TDRD3: variants seen among roughly 807,000 people sequenced by gnomAD.
The protein encoded by TDRD3 is tudor domain-containing protein 3.
A neutral mutation model predicts 86.7 loss-of-function variants in TDRD3; 45 were observed. The ratio of observed to expected loss-of-function variants is 0.52; its 90% confidence interval spans 0.41 to 0.67. The LOEUF (loss-of-function observed/expected upper bound fraction) is 0.67. TDRD3 is among the 30% of genes least tolerant of loss of function. TDRD3 has a pLI of 0.00. For synonymous variants in TDRD3, 298 were observed against 301.7 expected, an observed-to-expected ratio of 0.99 and a Z score of 0.13; for missense variants, 814 against 889.0, an observed-to-expected ratio of 0.92 and a Z score of 1.07.
At chr13:60,520,074 A>T (rs1185868618) in intron 10 of TDRD3, among the ~76,000 whole-genome samples, 1 of 152,198 alleles carries the variant, frequency 6.6e-6, no homozygotes, top group East Asian at 1.9e-4. Context: ...AGGGGCTTTG[A>T]AACACCAAAA....
At chr13:60,400,470 C>A (rs1954063290) in intron 1 of TDRD3, among the ~76,000 whole-genome samples, 1 of 152,060 alleles carries the variant, frequency 6.6e-6, no homozygotes, top group South Asian at 2.1e-4. Context: ...TGGCTGGGCG[C>A]AGTGGTGGCT....
intron 1 of TDRD3, among the ~76,000 whole-genome samples, chr13:60,426,652 T>A (rs1954819282): frequency 6.6e-6 from 1 of 152,042 alleles, no homozygotes; most frequent in Non-Finnish European, 1.5e-5. Context: ...CCCATTAGAG[T>A]TAGAAAGCTT....
intron 3 of TDRD3, among the ~76,000 whole-genome samples, chr13:60,449,458 T>A (rs1955484626): frequency 6.6e-6 from 1 of 152,044 alleles, no homozygotes; most frequent in Non-Finnish European, 1.5e-5. Flanking sequence ...GAACAAAAAG[T>A]TAGAGAAGTG....
intron 4 of TDRD3, among the ~76,000 whole-genome samples, chr13:60,466,498 A>G (rs1328157973): frequency 6.6e-6 from 1 of 152,082 alleles, no homozygotes. Flanking sequence ...ATAGAAAATG[A>G]CAATCTTGGC....
In TDRD3 at chr13:60,508,883, A is replaced by AG. The variant is rs557088943; in HGVS notation, c.859-880_859-879insG. ...CAACAAAAAATTACAAAGCCTACAA[A>AG]AGGCAGGAAAATTTAGCCCATTCAC... On this transcript the variant is annotated intron_variant, in intron 8 of 13. Transcript: ENST00000377881. Among the ~76,000 whole-genome samples the AG allele has an allele frequency of 5.0e-3, 757 of 152,252 alleles. 3 individuals carry two copies. Among genetic ancestry groups the AG allele is most frequent in the Middle Eastern group, 0.024 (7 of 292 alleles).
intron 1 of TDRD3, among the ~76,000 whole-genome samples, chr13:60,419,835 A>C (rs1318905350): frequency 6.6e-6 from 1 of 152,164 alleles, no homozygotes; most frequent in East Asian, 1.9e-4. Flanking sequence ...AGCAGAAAGG[A>C]AGAAAAGGAA....
chr13:60,439,548 G>A, intron 1 of TDRD3, 140 bp from the exon 2 acceptor site: 1 of 622,942 alleles, frequency 1.6e-6, no homozygotes, highest in African/African-American at 1.9e-5. Context: ...TAAATAAACA[G>A]GGAATCCATA....
intron 8 of TDRD3, among the ~76,000 whole-genome samples, chr13:60,499,205 C>T (rs1046116701): frequency 1.3e-5 from 2 of 152,148 alleles, no homozygotes; most frequent in Non-Finnish European, 2.9e-5. Context: ...GTGATGATTC[C>T]CACCACATCC....
In TDRD3 at chr13:60,397,393, C is replaced by T; in HGVS notation, c.29C>T (p.Ser10Phe). ...GCCCAGGTGGCCGGCGCGGCGTTGT[C>T]CCAGGCGGGTTGGTAAGTGGCGAGT... Reference protein sequence around the residue: MAQVAGAALSQAGWYLSDEG... With the variant: MAQVAGAALFQAGWYLSDEG... Residue 10 changes from serine (S) to phenylalanine (F), a missense_variant, in exon 1 of 14, where the codon TCC (serine) becomes TTC (phenylalanine). Coordinates refer to ENST00000377881, the MANE Select transcript of TDRD3 (RefSeq NM_001146070.2). 6.7e-7 allele frequency: 1 copy of T among 1,501,024 alleles called. No homozygotes were observed. Among genetic ancestry groups the T allele is most frequent in the Non-Finnish European group, 8.9e-7 (1 of 1,126,540 alleles). 93.0% of individuals were successfully genotyped at this position (1,501,024 alleles called of 1,614,324 possible). A position where few individuals can be genotyped will look rare whatever the true frequency, so the allele number is the denominator to read the frequency against.
chr13:60,509,366 T>C (rs964475035), intron 8 of TDRD3, among the ~76,000 whole-genome samples: 2 of 152,180 alleles, frequency 1.3e-5, no homozygotes, highest in Non-Finnish European at 2.9e-5. Context: ...TTTACATTTT[T>C]GGAGAGGTGC....
At chr13:60,471,717 G>C (rs555871540) in intron 5 of TDRD3, among the ~76,000 whole-genome samples, 2 of 151,920 alleles carry the variant, frequency 1.3e-5, no homozygotes, top group African/African-American at 4.8e-5. Context: ...TTGATTTTGC[G>C]TACTCCAACT....
intron 8 of TDRD3, chr13:60,509,538 G>A (rs896541882): frequency 2.0e-6 from 1 of 495,908 alleles, no homozygotes; most frequent in East Asian, 3.3e-5. Flanking sequence ...TGTTGCTTTT[G>A]CAGTGTTACT....
intron 8 of TDRD3, among the ~76,000 whole-genome samples, chr13:60,509,256 A>C (rs376960148): frequency 8.5e-5 from 13 of 152,100 alleles, no homozygotes; most frequent in African/African-American, 3.1e-4. Flanking sequence ...TAGCTGTCAA[A>C]GCATCATAGA....
chr13:60,542,608 A>G (rs1957841945), intron 12 of TDRD3, among the ~76,000 whole-genome samples: 1 of 152,192 alleles, frequency 6.6e-6, no homozygotes, highest in Non-Finnish European at 1.5e-5. Flanking sequence ...GTGATGGTGA[A>G]CCTTGATGGT....
At chr13:60,568,756 CAA>C (rs1441987056) in intron 13 of TDRD3, among the ~76,000 whole-genome samples, 1 of 151,974 alleles carries the variant, frequency 6.6e-6, no homozygotes, top group Non-Finnish European at 1.5e-5. Flanking sequence ...AGCAATTAAA[CAA>C]GAGAAAGAAA....
At position 60,545,904 on chromosome 13, in the gene TDRD3, C is replaced by A. The variant is rs541436051; in HGVS notation, c.2118+10671C>A. On this transcript the variant is annotated intron_variant, in intron 12 of 13. Transcript: ENST00000377881. The stretch of plus-strand genomic sequence containing the variant: ...CTTCCTCTGTTTCTCTCTTTTTTCT[C>A]TTTATCTAAGCTCCTCCTCCTCATT... 2.6e-5 allele frequency among the ~76,000 whole-genome samples: 4 copies of A among 151,924 alleles called. No individual in the cohort carries two copies. The South Asian group carries it at 8.3e-4, about 32-fold the overall frequency.
chr13:60,566,069 G>A lies in TDRD3; in HGVS notation c.2119-1456G>A, dbSNP rs139682031. 1.6e-4 allele frequency among the ~76,000 whole-genome samples: 25 copies of A among 152,222 alleles called. No individual in the cohort carries two copies. In the East Asian group the frequency reaches 4.8e-3, roughly 29 times the overall value. On this transcript the variant is annotated intron_variant, in intron 12 of 13. Transcript: ENST00000377881. ...TTCTGCATTCTCTTCTTTCAGTGATGATAGGCCCCTCAGGATGATCATTAA... is the reference window on the plus strand; with the variant it reads ...TTCTGCATTCTCTTCTTTCAGTGATAATAGGCCCCTCAGGATGATCATTAA...
At chr13:60,507,445 A>G (rs1407917226) in intron 8 of TDRD3, among the ~76,000 whole-genome samples, 1 of 152,186 alleles carries the variant, frequency 6.6e-6, no homozygotes, top group Non-Finnish European at 1.5e-5. Flanking sequence ...ATTGGAAGTA[A>G]AACACTCCTC....
chr13:60,540,254 CTG>C (rs1219788976), intron 12 of TDRD3, among the ~76,000 whole-genome samples: 1 of 152,128 alleles, frequency 6.6e-6, no homozygotes, highest in Non-Finnish European at 1.5e-5. Context: ...CAGAAGGAAA[CTG>C]TATGGCTAGT....
Sources: allele counts gnomAD v4.1 joint callset (sites outside exome capture counted in the v4.1 genomes callset), GRCh38; gene constraint gnomAD v4.1.1; transcripts MANE v1.5; gene names NCBI Gene and HGNC (gene_info 2026-07-23, HGNC 2026-07-21).